Variants in TRERF1 observed in about 807,000 individuals in gnomAD.
TRERF1 encodes the protein transcriptional regulating factor 1.
Under a neutral mutation model 122.9 loss-of-function variants are expected in TRERF1, and 27 were observed. The ratio of observed to expected loss-of-function variants is 0.22; its 90% confidence interval spans 0.16 to 0.30. The LOEUF is 0.30. TRERF1 is among the 10% of genes least tolerant of loss of function. The pLI is 1.00. For synonymous variants in TRERF1, 636 were observed against 641.7 expected (o/e 0.99, Z 0.13); for missense variants, 1,248 against 1,560.3 (o/e 0.80, Z 3.37).
intron 2 of TRERF1, among the ~76,000 whole-genome samples, chr6:42,403,236 C>T (rs1411198428): frequency 6.6e-6 from 1 of 152,034 alleles, no homozygotes; most frequent in East Asian, 1.9e-4. Flanking sequence ...GCTAGGTTGT[C>T]TCCCAAAAAT....
At chr6:42,360,210 A>G (rs1365992782) in intron 3 of TRERF1, among the ~76,000 whole-genome samples, 1 of 152,230 alleles carries the variant, frequency 6.6e-6, no homozygotes, top group Non-Finnish European at 1.5e-5. Context: ...CTTACAGCAA[A>G]CCTATAAAGT....
At chr6:42,307,549 T>C (rs1441741113) in intron 3 of TRERF1, among the ~76,000 whole-genome samples, 1 of 152,030 alleles carries the variant, frequency 6.6e-6, no homozygotes, top group Non-Finnish European at 1.5e-5. Context: ...GATGGACAAG[T>C]AGAGGAGCTT....
At chr6:42,444,085 C>T (rs2151800865) in intron 2 of TRERF1, among the ~76,000 whole-genome samples, 1 of 151,978 alleles carries the variant, frequency 6.6e-6, no homozygotes, top group Non-Finnish European at 1.5e-5. Flanking sequence ...TTCCACCCAC[C>T]TCCCATGCAG....
At chr6:42,299,137 CAT>C (rs35015885) in intron 4 of TRERF1, among the ~76,000 whole-genome samples, 15,843 of 131,526 alleles carry the variant, frequency 0.12, 1,433 homozygotes, top group African/African-American at 0.21. Context: ...TATCTATCTA[CAT>C]ATATATATAT....
chr6:42,230,687 T>C (rs1770374851), intron 17 of TRERF1, among the ~76,000 whole-genome samples: 1 of 152,166 alleles, frequency 6.6e-6, no homozygotes, highest in African/African-American at 2.4e-5. Flanking sequence ...TGGGTGGTGA[T>C]GTTAAAATGA....
intron 16 of TRERF1, among the ~76,000 whole-genome samples, chr6:42,234,299 G>A (rs1771560309): frequency 6.6e-6 from 1 of 151,494 alleles, no homozygotes; most frequent in South Asian, 2.1e-4. Flanking sequence ...AGTAGTTGCT[G>A]TATTAAGTTT....
In TRERF1 at chr6:42,259,511, C is replaced by G. The variant is rs1561845232; in HGVS notation, c.2097G>C (p.Leu699=). ...AAGGGGGCAGCTCGTGGGTGGGGTC[C>G]AGGAGCAGGTGGTCCCCGAGGACGC... is the stretch of plus-strand genomic sequence containing the variant. Residue 699 remains leucine (L), a synonymous_variant, in exon 9 of 18, where the codon CTG becomes CTC. Transcript: ENST00000372922. This position sits in a 1 kb window ranked among gnomAD's most constrained non-coding sequence, Gnocchi z 4.9. 2 of 1,612,624 alleles carry G rather than the reference C, an allele frequency of 1.2e-6. No homozygotes were observed. Among genetic ancestry groups the G allele is most frequent in the South Asian group, 2.2e-5 (2 of 91,016 alleles).
At chr6:42,408,280 T>C (rs999194638) in intron 2 of TRERF1, among the ~76,000 whole-genome samples, 4 of 139,592 alleles carry the variant, frequency 2.9e-5, no homozygotes, top group South Asian at 4.4e-4. Context: ...TATATATACA[T>C]ACACATGTGT....
chr6:42,343,412 T>C (rs928119619), intron 3 of TRERF1, among the ~76,000 whole-genome samples: 17 of 152,346 alleles, frequency 1.1e-4, no homozygotes, highest in African/African-American at 3.6e-4. Context: ...TTTAACTCTA[T>C]GTAGCCACCA....
intron 2 of TRERF1, among the ~76,000 whole-genome samples, chr6:42,432,136 A>C (rs1784588343): frequency 6.6e-6 from 1 of 152,164 alleles, no homozygotes; most frequent in Non-Finnish European, 1.5e-5. Context: ...ACCAGTAATA[A>C]TACCTGTGCC....
intron 8 of TRERF1, among the ~76,000 whole-genome samples, chr6:42,260,455 G>C (rs1431238528): frequency 6.6e-6 from 1 of 152,186 alleles, no homozygotes; most frequent in African/African-American, 2.4e-5. Context: ...AGTCTGGAAG[G>C]AGGATCTGCC....
intron 4 of TRERF1, among the ~76,000 whole-genome samples, chr6:42,279,509 C>T (rs1781907121): frequency 6.6e-6 from 1 of 152,174 alleles, no homozygotes; most frequent in Admixed American, 6.5e-5. Context: ...ACCCCCTTGG[C>T]CCCACCTACA....
intron 2 of TRERF1, among the ~76,000 whole-genome samples, chr6:42,382,109 T>C (rs1034884516): frequency 2.6e-5 from 4 of 151,442 alleles, no homozygotes; most frequent in African/African-American, 9.7e-5. Context: ...GGAGTGAAGA[T>C]TTCAACCCTT....
Position 42,269,163 on chromosome 6 carries a change from A to G in TRERF1, c.428T>C (p.Leu143Pro). 3.1e-6 allele frequency: 5 copies of G among 1,614,234 alleles called. No homozygotes were observed. Among genetic ancestry groups the G allele is most frequent in the Non-Finnish European group, 4.2e-6 (5 of 1,180,040 alleles). Residue 143 changes from leucine (L) to proline (P), a missense_variant, in exon 5 of 18, where the codon CTG becomes CCG. Coordinates refer to ENST00000372922, the Ensembl canonical transcript of TRERF1. This position sits in a 1 kb window ranked among gnomAD's most constrained non-coding sequence, Gnocchi z 4.9. ...GGCAAACACCTGGGTGAAAGAGTCC[A>G]GCTTGTGTAAGACACCGCTGGTAAG...
At chr6:42,238,781 CTAA>C (rs1417791886) in intron 15 of TRERF1, among the ~76,000 whole-genome samples, 2 of 151,300 alleles carry the variant, frequency 1.3e-5, no homozygotes, top group African/African-American at 4.9e-5. Context: ...GTGTTAGTCA[CTAA>C]TAATAATGAT....
chr6:42,445,367 C>CAG (rs1787315452), intron 2 of TRERF1, among the ~76,000 whole-genome samples: 1 of 151,564 alleles, frequency 6.6e-6, no homozygotes, highest in African/African-American at 2.4e-5. Context: ...CACACACACA[C>CAG]ACACACACAC....
chr6:42,246,551 C>T lies in TRERF1; in HGVS notation c.2657-7G>A. ...GAGGTCCACTTGTCCGAACCTACAA[C>T]AAAACACAAACATCATAAGAACAGC... On this transcript the variant is annotated splice_region_variant and splice_polypyrimidine_tract_variant and intron_variant, in intron 13 of 17. Coordinates refer to ENST00000372922, the Ensembl canonical transcript of TRERF1. The T allele has an allele frequency of 6.3e-7, 1 of 1,594,170 alleles. No homozygotes were observed. The highest frequency in any genetic ancestry group is 1.1e-5 in the South Asian group (1 of 87,044).
chr6:42,377,117 C>T (rs1284159567), intron 2 of TRERF1, among the ~76,000 whole-genome samples: 2 of 152,118 alleles, frequency 1.3e-5, no homozygotes, highest in African/African-American at 4.8e-5. Context: ...CCACCTGTCT[C>T]GGCCTCCCAA....
At chr6:42,445,357 C>G (rs199622666) in intron 2 of TRERF1, among the ~76,000 whole-genome samples, 1 of 139,656 alleles carries the variant, frequency 7.2e-6, no homozygotes, top group Non-Finnish European at 1.5e-5. Flanking sequence ...CACACAGACA[C>G]ACACACACAC....
Sources: allele counts gnomAD v4.1 joint callset (sites outside exome capture counted in the v4.1 genomes callset), GRCh38; gene constraint gnomAD v4.1.1; non-coding constraint Gnocchi (gnomAD v3.1); transcripts MANE v1.5; gene names NCBI Gene and HGNC (gene_info 2026-07-23, HGNC 2026-07-21).